The following ADAR variants were observed in gnomAD, a reference collection of about 807,000 sequenced individuals.
The protein encoded by ADAR is adenosine deaminase RNA specific, also known as double-stranded RNA-specific adenosine deaminase.
Under a neutral mutation model 113.2 loss-of-function variants are expected in ADAR, and 41 were observed. That is an observed-to-expected ratio of 0.36 (90% confidence interval 0.28 to 0.47). ADAR has a LOEUF of 0.47. Among genes scored for constraint, ADAR ranks in the 20% least tolerant of loss-of-function variants. The pLI is 1.00. For synonymous variants in ADAR, 605 were observed against 572.6 expected, an observed-to-expected ratio of 1.06 and a Z score of -0.81; for missense variants, 1,242 against 1,540.9, an observed-to-expected ratio of 0.81 and a Z score of 3.25.
chr1:154,598,286 G>C (rs189033425), intron 3 of ADAR, 116 bp downstream of exon 3: 31 of 1,170,284 alleles, frequency 2.6e-5, no homozygotes, highest in Admixed American at 1.5e-4. Flanking sequence ...GGGAAGAGTG[G>C]GAAGCTGACT....
intron 1 of ADAR, 103 bp downstream of exon 1, chr1:154,607,885 ACACT>A (rs1019240425): frequency 7.1e-6 from 11 of 1,546,472 alleles, no homozygotes; most frequent in Non-Finnish European, 9.7e-6. Context: ...ACACACACAC[ACACT>A]CTAACACTCA....
At position 154,601,984 on chromosome 1, in the gene ADAR, C is replaced by T. The variant is rs1255977706; in HGVS notation, c.658G>A (p.Ala220Thr). Residue 220 changes from alanine (A) to threonine (T), a missense_variant, in exon 2 of 15, where the codon GCC becomes ACC. Physicochemically the swap from Ala to Thr is moderately conservative, Grantham distance 58. Around this residue, in one of 2 missense-constraint regions of ADAR, gnomAD observed 462 missense variants for 483.1 expected, o/e 0.96. Coordinates refer to ENST00000368474, the MANE Select transcript of ADAR (RefSeq NM_001111.5). This position sits in a 1 kb window ranked among gnomAD's most constrained non-coding sequence, Gnocchi z 4.7. ...TCCAAACTCGGGTCTGAGTTTGGGG[C>T]TCCTTGGCTATGACCGTCTGGTCTT... ...VVRPDGHSQG[A>T]PNSDPSLEPE... 2.5e-6 allele frequency: 4 copies of T among 1,612,094 alleles called. No homozygotes were observed. In the African/African-American group the frequency reaches 4.0e-5, roughly 16 times the overall value.
rs372242904 is a variant in ADAR at position 154,601,777 on chromosome 1, C to T, written c.865G>A (p.Asp289Asn). 25 of 1,614,120 alleles carry T rather than the reference C, an allele frequency of 1.5e-5. No individual in the cohort carries two copies. The African/African-American group carries it at 2.9e-4, about 19-fold the overall frequency. The change falls in exon 2 of 15, where the codon GAT (aspartate) becomes AAT (asparagine). Residue 289 changes from aspartate (D) to asparagine (N), a missense_variant. By Grantham distance (23) the Asp-to-Asn change is conservative. This residue lies in a region of ADAR where 462 missense variants were observed against 483.1 expected (regional missense o/e 0.96). Coordinates refer to ENST00000368474, the MANE Select transcript of ADAR (RefSeq NM_001111.5). This position sits in a 1 kb window ranked among gnomAD's most constrained non-coding sequence, Gnocchi z 4.7. ...EDSNSTSALEDPLEFLDMAEI... is the reference protein window; with the variant it reads ...EDSNSTSALENPLEFLDMAEI... ...GCCATGTCTAAAAACTCAAGAGGAT[C>T]TTCCAAGGCAGATGTGGAGTTGCTG...
intron 10 of ADAR, 51 bp downstream of exon 10, chr1:154,588,500 T>C: frequency 6.2e-7 from 1 of 1,609,482 alleles, no homozygotes; most frequent in Non-Finnish European, 8.5e-7. Flanking sequence ...GGATACCCAA[T>C]TCTAACAGCC....
chr1:154,595,984 T>C (rs1213528417), intron 6 of ADAR, among the ~76,000 whole-genome samples: 1 of 152,220 alleles, frequency 6.6e-6, no homozygotes, highest in African/African-American at 2.4e-5. Context: ...GCCCACAGTA[T>C]TCACTACAGT....
intron 6 of ADAR, among the ~76,000 whole-genome samples, chr1:154,591,768 C>A (rs1697165277): frequency 6.6e-6 from 1 of 152,216 alleles, no homozygotes; most frequent in Non-Finnish European, 1.5e-5. Flanking sequence ...CGTTTATGTT[C>A]AACCACATGG....
At chr1:154,607,226 G>T (rs543248660) in intron 1 of ADAR, among the ~76,000 whole-genome samples, 67 of 152,062 alleles carry the variant, frequency 4.4e-4, no homozygotes, top group Admixed American at 3.9e-3. Flanking sequence ...AGCCTTTTGA[G>T]TCTGGCTTCT....
intron 7 of ADAR, 33 bp downstream of exon 7, chr1:154,590,151 C>G (rs757390648): frequency 5.2e-5 from 69 of 1,328,354 alleles, no homozygotes; most frequent in East Asian, 2.0e-4. Flanking sequence ...ACCCCCCCGC[C>G]CCAAAAAAGG....
intron 1 of ADAR, among the ~76,000 whole-genome samples, chr1:154,603,634 C>T (rs1414972088): frequency 1.3e-5 from 2 of 152,114 alleles, no homozygotes; most frequent in South Asian, 2.1e-4. Context: ...CCCCTTTCCC[C>T]ACCCACCCAC....
intron 1 of ADAR, among the ~76,000 whole-genome samples, chr1:154,620,064 T>C (rs570764321): frequency 6.6e-6 from 1 of 152,318 alleles, no homozygotes; most frequent in East Asian, 1.9e-4. Flanking sequence ...TTCTGGAGAT[T>C]TGTTGCACAA....
intron 1 of ADAR, among the ~76,000 whole-genome samples, chr1:154,613,527 C>T (rs573886101): frequency 2.3e-4 from 35 of 152,050 alleles, no homozygotes; most frequent in Non-Finnish European, 4.4e-4. Context: ...TCAGGTGATC[C>T]GCCTGCCTCG....
intron 13 of ADAR, 181 bp downstream of exon 13, chr1:154,585,572 G>GA (rs1182550993): frequency 5.7e-6 from 5 of 875,060 alleles, no homozygotes; most frequent in Non-Finnish European, 8.9e-6. Flanking sequence ...CCAAAAGGAA[G>GA]AAAGTTTAAG....
At chr1:154,607,592 T>C (rs1213085475) in intron 1 of ADAR, among the ~76,000 whole-genome samples, 1 of 152,174 alleles carries the variant, frequency 6.6e-6, no homozygotes, top group Non-Finnish European at 1.5e-5. Flanking sequence ...TGACATGGGC[T>C]CAGGCCTTCC....
At chr1:154,592,862 G>A (rs189474292) in intron 6 of ADAR, among the ~76,000 whole-genome samples, 243 of 151,950 alleles carry the variant, frequency 1.6e-3, no homozygotes, top group African/African-American at 5.6e-3. Context: ...CATGGCTGTC[G>A]CGGTGGTTCA....
chr1:154,609,660 A>G (rs545777124), upstream of ADAR, among the ~76,000 whole-genome samples: 6 of 152,264 alleles, frequency 3.9e-5, no homozygotes, highest in African/African-American at 1.4e-4. Flanking sequence ...TTCCTACTCC[A>G]TGCTTCTCGA....
rs1698641479 is a variant in ADAR, at chr1:154,616,613, A to G, written c.-871+11242T>C. 2.0e-5 allele frequency among the ~76,000 whole-genome samples: 3 copies of G among 151,708 alleles called. No homozygotes were observed. The South Asian group carries it at 6.2e-4, about 31-fold the overall frequency. On this transcript the variant is annotated intron_variant, in intron 1 of 14. Coordinates refer to the ADAR transcript ENST00000368471. ...CTCCTCTCTTTTGGAGCATATTTAC[A>G]CTTGTAATTTTACATTTCTTCATGT...
intron 2 of ADAR, 88 bp downstream of exon 2, chr1:154,600,953 C>T (rs1019430008): frequency 2.6e-6 from 4 of 1,567,048 alleles, no homozygotes; most frequent in East Asian, 2.2e-5. Context: ...CGCCACCAAA[C>T]AGCACTGCTC....
At chr1:154,589,140 A>G (rs1323614835) in intron 9 of ADAR, among the ~76,000 whole-genome samples, 1 of 152,218 alleles carries the variant, frequency 6.6e-6, no homozygotes, top group Non-Finnish European at 1.5e-5. Flanking sequence ...TAGCAGAAAA[A>G]AGGACAGCAT....
intron 1 of ADAR, among the ~76,000 whole-genome samples, chr1:154,614,875 CAGAG>C (rs1191505897): frequency 3.9e-5 from 6 of 152,168 alleles, no homozygotes; most frequent in Non-Finnish European, 5.9e-5. Flanking sequence ...TGGAATTTGA[CAGAG>C]AGCCATTTTC....
Sources: allele counts gnomAD v4.1 joint callset (sites outside exome capture counted in the v4.1 genomes callset), GRCh38; gene constraint gnomAD v4.1.1; regional missense constraint gnomAD v4.1.1; non-coding constraint Gnocchi (gnomAD v3.1); transcripts MANE v1.5; gene names NCBI Gene and HGNC (gene_info 2026-07-23, HGNC 2026-07-21).